Variants in KALRN observed in about 807,000 individuals in gnomAD.
KALRN encodes kalirin.
KALRN carries 70 observed loss-of-function variants against 353.7 expected under a neutral mutation model. The observed-to-expected ratio is 0.20, with a 90% CI of 0.16 to 0.24. KALRN has a LOEUF of 0.24. Among genes scored for constraint, KALRN ranks in the 10% least tolerant of loss-of-function variants. The pLI is 1.00. For synonymous variants in KALRN, 1,391 were observed against 1,434.8 expected (o/e 0.97, Z 0.69); for missense variants, 2,791 against 3,756.7 (o/e 0.74, Z 6.72).
At chr3:124,665,749 G>A (rs957471945) in intron 45 of KALRN, among the ~76,000 whole-genome samples, 1 of 152,168 alleles carries the variant, frequency 6.6e-6, no homozygotes, top group Non-Finnish European at 1.5e-5. Context: ...ACAGGCATGA[G>A]CACCACACCC....
At chr3:124,460,171 G>A (rs2059707884) in intron 23 of KALRN, among the ~76,000 whole-genome samples, 1 of 152,172 alleles carries the variant, frequency 6.6e-6, no homozygotes, top group South Asian at 2.1e-4. Flanking sequence ...CTCTACTCCA[G>A]TACTGCAGTG....
intron 1 of KALRN, among the ~76,000 whole-genome samples, chr3:124,198,048 C>T (rs1344446926): frequency 6.6e-6 from 1 of 152,154 alleles, no homozygotes; most frequent in East Asian, 1.9e-4. Context: ...TATACAGACC[C>T]AGAGAGACAG....
intron 3 of KALRN, among the ~76,000 whole-genome samples, chr3:124,237,010 G>A (rs957990860): frequency 6.6e-6 from 1 of 152,196 alleles, no homozygotes; most frequent in African/African-American, 2.4e-5. Flanking sequence ...CTGGCAGGCC[G>A]CAGAGTTCAC....
At chr3:124,310,712 G>A (rs894632053) in intron 6 of KALRN, among the ~76,000 whole-genome samples, 2 of 152,102 alleles carry the variant, frequency 1.3e-5, no homozygotes, top group Non-Finnish European at 2.9e-5. Context: ...ATAGTCATAA[G>A]CAAAAGAATG....
chr3:124,598,157 G>A lies in KALRN; in HGVS notation c.5183-34263G>A, dbSNP rs182129422. ...CCACTTGTTTCTGGTATTTACAAAC[G>A]TCCAGAGGGATTCTGGGGGAAATCA... On this transcript the variant is annotated intron_variant, in intron 34 of 59. Transcript: ENST00000682506. 4.3e-4 allele frequency among the ~76,000 whole-genome samples: 66 copies of A among 152,296 alleles called. 2 individuals carry two copies. In the South Asian group the frequency reaches 8.1e-3, roughly 19 times the overall value.
intron 8 of KALRN, among the ~76,000 whole-genome samples, chr3:124,330,435 AAGC>A (rs1336432289): frequency 6.6e-6 from 1 of 151,948 alleles, no homozygotes; most frequent in Non-Finnish European, 1.5e-5. Flanking sequence ...CTTTTTTATG[AAGC>A]AGCTCATTAA....
chr3:124,636,788 G>A (rs1281875210), intron 36 of KALRN, among the ~76,000 whole-genome samples: 1 of 152,174 alleles, frequency 6.6e-6, no homozygotes, highest in Non-Finnish European at 1.5e-5. Flanking sequence ...ACACACTCAA[G>A]GCTGGGTTTG....
chr3:124,228,139 T>C, intron 2 of KALRN, 75 bp downstream of exon 2: 2 of 1,197,618 alleles, frequency 1.7e-6, no homozygotes, highest in Middle Eastern at 1.9e-4. Context: ...CAGATTCACT[T>C]GTGTGTTAGT....
intron 45 of KALRN, among the ~76,000 whole-genome samples, chr3:124,665,190 A>T (rs1041812798): frequency 1.3e-5 from 2 of 152,174 alleles, no homozygotes; most frequent in Admixed American, 6.5e-5. Flanking sequence ...CCGCCTGAGA[A>T]AGAGCACCTG....
intron 17 of KALRN, among the ~76,000 whole-genome samples, chr3:124,435,525 A>G (rs7653717): frequency 0.36 from 54,516 of 152,052 alleles, 10,006 homozygotes; most frequent in East Asian, 0.52. Flanking sequence ...AGTGTATAGT[A>G]GTTTCCTTCT....
chr3:124,600,394 T>C (rs1428149863), intron 34 of KALRN, among the ~76,000 whole-genome samples: 1 of 152,258 alleles, frequency 6.6e-6, no homozygotes, highest in East Asian at 1.9e-4. Flanking sequence ...TGGTTTCAAC[T>C]CTTGTTTGGT....
At chr3:124,218,588 G>A (rs1226934481) in intron 1 of KALRN, among the ~76,000 whole-genome samples, 1 of 152,164 alleles carries the variant, frequency 6.6e-6, no homozygotes, top group Non-Finnish European at 1.5e-5. Context: ...GAGCACTTTA[G>A]GTAACCTGGT....
At chr3:124,279,776 T>C (rs991378405) in intron 5 of KALRN, among the ~76,000 whole-genome samples, 3 of 152,214 alleles carry the variant, frequency 2.0e-5, no homozygotes, top group African/African-American at 7.2e-5. Flanking sequence ...CCTGGCCATG[T>C]TGGAGCAGAG....
intron 33 of KALRN, among the ~76,000 whole-genome samples, chr3:124,513,998 A>G (rs2066253283): frequency 1.3e-5 from 2 of 152,238 alleles, no homozygotes; most frequent in Admixed American, 1.3e-4. Flanking sequence ...AGTAGGATGC[A>G]TGATAAAACA....
intron 2 of KALRN, among the ~76,000 whole-genome samples, chr3:124,232,125 A>G (rs1395394813): frequency 6.6e-6 from 1 of 152,100 alleles, no homozygotes; most frequent in African/African-American, 2.4e-5. Flanking sequence ...CATCCAATAG[A>G]ACATCTCCCA....
intron 51 of KALRN, among the ~76,000 whole-genome samples, chr3:124,689,307 T>G (rs2061704367): frequency 6.6e-6 from 1 of 152,182 alleles, no homozygotes; most frequent in Non-Finnish European, 1.5e-5. Context: ...CTCAACTTCC[T>G]GGACTCAGGC....
intron 6 of KALRN, among the ~76,000 whole-genome samples, chr3:124,316,240 G>C (rs1000399202): frequency 1.2e-4 from 18 of 152,060 alleles, no homozygotes; most frequent in African/African-American, 4.1e-4. Context: ...CTCCTGCCTG[G>C]ACTGCTGTAG....
intron 45 of KALRN, among the ~76,000 whole-genome samples, chr3:124,664,360 TG>T (rs2085285328): frequency 8.1e-6 from 1 of 123,844 alleles, no homozygotes; most frequent in Non-Finnish European, 1.6e-5. Context: ...TGTGTGTGTG[TG>T]TGTGTGTGTG....
At chr3:124,229,182 C>A (rs1363262914) in intron 2 of KALRN, among the ~76,000 whole-genome samples, 1 of 152,250 alleles carries the variant, frequency 6.6e-6, no homozygotes, top group African/African-American at 2.4e-5. Flanking sequence ...ATTGCAGAGA[C>A]CATTTGGCCC....
Sources: gnomAD v4.1 joint callset for allele counts (sites outside exome capture counted in the v4.1 genomes callset) on GRCh38, gnomAD v4.1.1 for gene constraint, MANE v1.5 for transcripts, NCBI Gene and HGNC (gene_info 2026-07-23, HGNC 2026-07-21) for gene names.